CDYL2: variants seen among roughly 807,000 people sequenced by gnomAD.
CDYL2 encodes chromodomain Y like 2, also known as chromodomain Y-like protein 2.
CDYL2 carries 23 observed loss-of-function variants against 49.4 expected under a neutral mutation model. That is an observed-to-expected ratio of 0.47 (90% confidence interval 0.34 to 0.66). CDYL2 has a LOEUF of 0.66. CDYL2 is among the 30% of genes least tolerant of loss of function. The pLI, the probability that CDYL2 is intolerant of heterozygous loss-of-function variation, is 0.01. For missense variants in CDYL2, 678 were observed against 656.4 expected (o/e 1.03, Z -0.36); for synonymous variants, 360 against 268.8 (o/e 1.34, Z -3.32).
At chr16:80,625,870 G>A (rs1043145783) in intron 3 of CDYL2, among the ~76,000 whole-genome samples, 4 of 152,084 alleles carry the variant, frequency 2.6e-5, no homozygotes, top group African/African-American at 7.2e-5. Flanking sequence ...TTAAAAGGAA[G>A]GGTAAAAATT....
chr16:80,686,133 T>G (rs1420634494), intron 1 of CDYL2, among the ~76,000 whole-genome samples: 1 of 152,234 alleles, frequency 6.6e-6, no homozygotes, highest in Non-Finnish European at 1.5e-5. Flanking sequence ...TGAACCTTTA[T>G]GTGTCAGGCC....
chr16:80,640,196 T>C (rs1908020662), intron 2 of CDYL2, among the ~76,000 whole-genome samples: 1 of 152,048 alleles, frequency 6.6e-6, no homozygotes, highest in African/African-American at 2.4e-5. Flanking sequence ...ACCTCAAGTA[T>C]CCAAAAGAGA....
Position 80,623,988 on chromosome 16 carries a change from T to G in CDYL2, c.835-3053A>C, listed in dbSNP as rs567730222. Among the ~76,000 whole-genome samples the G allele has an allele frequency of 1.3e-4, 20 of 152,286 alleles. No homozygotes were observed. The East Asian group carries it at 3.3e-3, about 25-fold the overall frequency. On this transcript the variant is annotated intron_variant, in intron 3 of 6. Coordinates refer to ENST00000570137, the MANE Select transcript of CDYL2 (RefSeq NM_152342.4). ...GATCTGAAAGTGAGCTCCTGCCACA[T>G]GCTACGTTCTGAGGCCCAAGCATCA...
At chr16:80,737,642 T>C (rs1269121203) in intron 1 of CDYL2, among the ~76,000 whole-genome samples, 1 of 152,194 alleles carries the variant, frequency 6.6e-6, no homozygotes, top group Non-Finnish European at 1.5e-5. Context: ...AAAGCACTGG[T>C]TCTCAAACTT....
At chr16:80,783,472 T>C (rs1028696309) in intron 1 of CDYL2, among the ~76,000 whole-genome samples, 4 of 150,638 alleles carry the variant, frequency 2.7e-5, no homozygotes, top group African/African-American at 9.8e-5. Context: ...AGAATTACCA[T>C]GGAACTCAGC....
At chr16:80,642,047 C>G (rs893623820) in intron 2 of CDYL2, among the ~76,000 whole-genome samples, 1 of 151,986 alleles carries the variant, frequency 6.6e-6, no homozygotes. Flanking sequence ...AAACAATGAG[C>G]AGGTCAAAAA....
chr16:80,725,500 T>C (rs908984184), intron 1 of CDYL2, among the ~76,000 whole-genome samples: 5 of 152,228 alleles, frequency 3.3e-5, no homozygotes, highest in Admixed American at 1.3e-4. Context: ...TGGCCCACAG[T>C]AGGTGCTCAG....
rs1043963760 is a variant in CDYL2, at chr16:80,632,359, T to G, written c.834+660A>C. 2.6e-5 allele frequency among the ~76,000 whole-genome samples: 4 copies of G among 152,246 alleles called. No individual in the cohort carries two copies. The East Asian group carries it at 7.7e-4, about 29-fold the overall frequency. ...TTCCATTGATACAAACTGTCCGGAATAGGCAAATCTACAGAGACAGAAAGT... is the reference window on the plus strand; with the variant it reads ...TTCCATTGATACAAACTGTCCGGAAGAGGCAAATCTACAGAGACAGAAAGT... On this transcript the variant is annotated intron_variant, in intron 3 of 6. Coordinates refer to ENST00000570137, the MANE Select transcript of CDYL2 (RefSeq NM_152342.4).
chr16:80,781,345 A>G (rs2142405087), intron 1 of CDYL2, among the ~76,000 whole-genome samples: 1 of 152,348 alleles, frequency 6.6e-6, no homozygotes, highest in African/African-American at 2.4e-5. Context: ...CATAGCAACT[A>G]TAAACATATG....
At chr16:80,713,461 T>C (rs1410859805) in intron 1 of CDYL2, among the ~76,000 whole-genome samples, 1 of 152,146 alleles carries the variant, frequency 6.6e-6, no homozygotes, top group Non-Finnish European at 1.5e-5. Flanking sequence ...GTTCAGGATG[T>C]TCCATTGGGA....
In CDYL2 at chr16:80,601,339, G is replaced by A. The variant is rs762671728; in HGVS notation, c.*3049C>T. ...GGAGTGGATTGCTAGAAAGGTCCCT[G>A]ACTAAAGAGGTGTCCTCAATTGCCC... is the stretch of plus-strand genomic sequence containing the variant. On this transcript the variant is annotated 3_prime_UTR_variant, in exon 7 of 7. Transcript: ENST00000570137. 6.6e-6 allele frequency: 1 copy of A among 152,184 alleles called. No homozygotes were observed. The highest frequency in any genetic ancestry group is 1.5e-5 in the Non-Finnish European group (1 of 68,056). 9.4% of individuals were successfully genotyped at this position (152,184 alleles called of 1,614,324 possible).
intron 2 of CDYL2, chr16:80,670,931 G>C (rs1909477151): frequency 2.2e-6 from 1 of 456,026 alleles, no homozygotes; most frequent in Non-Finnish European, 4.4e-6. Flanking sequence ...TGCCTCACCA[G>C]CTGTTCTTCC....
intron 1 of CDYL2, among the ~76,000 whole-genome samples, chr16:80,726,048 G>A (rs988170620): frequency 1.2e-4 from 19 of 152,140 alleles, no homozygotes; most frequent in African/African-American, 4.6e-4. Flanking sequence ...AAAAGACAGT[G>A]ACATCTATTT....
intron 1 of CDYL2, among the ~76,000 whole-genome samples, chr16:80,756,873 A>AC (rs397797819): frequency 1.3e-5 from 2 of 151,544 alleles, no homozygotes; most frequent in South Asian, 4.2e-4. Flanking sequence ...AAAAAAAAAA[A>AC]CACATGATTT....
At chr16:80,698,587 G>T (rs1433791352) in intron 1 of CDYL2, among the ~76,000 whole-genome samples, 1 of 152,102 alleles carries the variant, frequency 6.6e-6, no homozygotes, top group African/African-American at 2.4e-5. Context: ...GACGTGATTG[G>T]ATTATGGGGG....
intron 1 of CDYL2, among the ~76,000 whole-genome samples, chr16:80,707,538 C>T (rs1428589174): frequency 6.6e-6 from 1 of 152,158 alleles, no homozygotes. Flanking sequence ...TTCCAGAGGG[C>T]TCCTTCTGGT....
rs372510959 is a variant in CDYL2 at position 80,769,385 on chromosome 16, A to C, written c.24+34765T>G. ...TCACTATATGCAAGTAACTATACTAAAGCTTAACAAGCATTGTCTCAACTA... is the reference window on the plus strand; with the variant it reads ...TCACTATATGCAAGTAACTATACTACAGCTTAACAAGCATTGTCTCAACTA... On this transcript the variant is annotated intron_variant, in intron 1 of 6. Transcript: ENST00000570137. Among the ~76,000 whole-genome samples the C allele has an allele frequency of 4.3e-4, 66 of 152,358 alleles. No individual in the cohort carries two copies. The Middle Eastern group carries it at 0.01, about 24-fold the overall frequency.
chr16:80,778,315 G>A (rs1391230659), intron 1 of CDYL2, among the ~76,000 whole-genome samples: 1 of 151,426 alleles, frequency 6.6e-6, no homozygotes, highest in Non-Finnish European at 1.5e-5. Context: ...TAAAATAAGA[G>A]TAGAAATATA....
chr16:80,747,737 C>T (rs1905982548), intron 1 of CDYL2, among the ~76,000 whole-genome samples: 3 of 152,168 alleles, frequency 2.0e-5, no homozygotes, highest in Admixed American at 2.0e-4. Context: ...TCTAGAACCA[C>T]TGAGTAAGTG....
Sources: gnomAD v4.1 joint callset for allele counts (sites outside exome capture counted in the v4.1 genomes callset) on GRCh38, gnomAD v4.1.1 for gene constraint, MANE v1.5 for transcripts, NCBI Gene and HGNC (gene_info 2026-07-23, HGNC 2026-07-21) for gene names.